Variants in EIPR1 observed in about 807,000 individuals in gnomAD.
EIPR1 encodes the protein EARP and GARP complex-interacting protein 1.
In EIPR1, 25 loss-of-function variants were observed where a neutral mutation model predicts 48.1. The observed-to-expected ratio is 0.52, with a 90% confidence interval of 0.38 to 0.73. The LOEUF is 0.73. Among genes scored for constraint, EIPR1 ranks in the 30% least tolerant of loss-of-function variants. EIPR1 has a pLI of 0.00. For synonymous variants in EIPR1, 204 were observed against 201.9 expected (o/e 1.01, Z -0.09); for missense variants, 415 against 506.2 (o/e 0.82, Z 1.73).
chr2:3,246,246 G>A (rs1471493855), intron 4 of EIPR1, among the ~76,000 whole-genome samples: 1 of 152,158 alleles, frequency 6.6e-6, no homozygotes, highest in Non-Finnish European at 1.5e-5. Flanking sequence ...TACAAAATGG[G>A]AAGGATAGCT....
intron 2 of EIPR1, among the ~76,000 whole-genome samples, chr2:3,339,274 T>C (rs1193287335): frequency 6.6e-6 from 1 of 152,224 alleles, no homozygotes; most frequent in African/African-American, 2.4e-5. Flanking sequence ...CTTTACTTCT[T>C]TGTGCTTTAT....
chr2:3,195,626 G>A (rs1331837297), intron 6 of EIPR1, among the ~76,000 whole-genome samples: 2 of 152,068 alleles, frequency 1.3e-5, no homozygotes, highest in South Asian at 2.1e-4. Context: ...GCAAATTCCC[G>A]GGGAACTAGA....
At chr2:3,311,283 T>C (rs1669120487) in intron 3 of EIPR1, among the ~76,000 whole-genome samples, 1 of 152,184 alleles carries the variant, frequency 6.6e-6, no homozygotes, top group African/African-American at 2.4e-5. Flanking sequence ...CTCAAGATGA[T>C]CTCTTCCTAG....
At chr2:3,272,732 T>C (rs535423655) in intron 3 of EIPR1, among the ~76,000 whole-genome samples, 1 of 152,350 alleles carries the variant, frequency 6.6e-6, no homozygotes, top group East Asian at 1.9e-4. Context: ...ATTATCAAAA[T>C]GTGCCACAGA....
intron 3 of EIPR1, among the ~76,000 whole-genome samples, chr2:3,329,157 C>T (rs112593353): frequency 8.7e-5 from 12 of 138,432 alleles, no homozygotes; most frequent in East Asian, 2.6e-4. Context: ...AATCAGAGCC[C>T]ACCCACCAGG....
rs144053600 is a variant in EIPR1, at chr2:3,269,589, CATCGCACTCA to C, written c.260-12144_260-12135del. On this transcript the variant is annotated intron_variant, in intron 3 of 8. Coordinates refer to ENST00000382125, the MANE Select transcript of EIPR1 (RefSeq NM_003310.5). ...ATCGCACTCAGTCATCGCACTCAAT[CATCGCACTCA>C]ATCGCACTCAATCATCACAATCATC... is the stretch of plus-strand genomic sequence containing the variant. Among the ~76,000 whole-genome samples the C allele has an allele frequency of 7.6e-3, 170 of 22,332 alleles. 14 individuals are homozygous for C. Among genetic ancestry groups the C allele is most frequent in the Middle Eastern group, 0.025 (1 of 40 alleles). The allele number at this position is 22,332 out of a possible 152,430, so 14.7% of individuals were successfully genotyped here. A position where few individuals can be genotyped will look rare whatever the true frequency, so the allele number is the denominator to read the frequency against.
Position 3,286,465 on chromosome 2 carries a change from C to T in EIPR1, c.260-29010G>A, listed in dbSNP as rs1385973816. On this transcript the variant is annotated intron_variant, in intron 3 of 8. Transcript: ENST00000382125. The surrounding 1 kb of genome is among the most constrained non-coding windows in gnomAD (Gnocchi z 4.2). The stretch of plus-strand genomic sequence containing the variant: ...GTGGGGCCATCCTACCAGGCATGTC[C>T]TGGGCACATGGGAAGACCGAGAGGT... Among the ~76,000 whole-genome samples, 1 of 152,188 alleles carries T rather than the reference C, an allele frequency of 6.6e-6. No homozygotes were observed. The highest frequency in any genetic ancestry group is 1.5e-5 in the Non-Finnish European group (1 of 68,044).
Position 3,287,124 on chromosome 2 carries a change from C to G in EIPR1, c.260-29669G>C, listed in dbSNP as rs112980318. 1.3e-3 allele frequency among the ~76,000 whole-genome samples: 203 copies of G among 152,324 alleles called. 1 individual carries two copies. The highest frequency in any genetic ancestry group is 4.6e-3 in the African/African-American group (191 of 41,568). On this transcript the variant is annotated intron_variant, in intron 3 of 8. Coordinates refer to ENST00000382125, the MANE Select transcript of EIPR1 (RefSeq NM_003310.5). ...TCACACCTAGACCCAGCTGCAGCAC[C>G]AAGCTCGTTCACCACGCTCTAGAAA...
At position 3,189,947 on chromosome 2, in the gene EIPR1, C is replaced by T. The variant is rs1043200128; in HGVS notation, c.990-439G>A. 3.9e-5 allele frequency among the ~76,000 whole-genome samples: 6 copies of T among 152,252 alleles called. No individual in the cohort carries two copies. Among genetic ancestry groups the T allele is most frequent in the South Asian group, 2.1e-4 (1 of 4,816 alleles). ...GAGCAGAAAGGACCCTGGGAAGCAG[C>T]GGGTCCAGCTCCTGGCTGTGTAGGA... On this transcript the variant is annotated intron_variant, in intron 8 of 8. Coordinates refer to ENST00000382125, the MANE Select transcript of EIPR1 (RefSeq NM_003310.5). The surrounding 1 kb of genome is among the most constrained non-coding windows in gnomAD (Gnocchi z 4.6).
chr2:3,335,853 T>C (rs1670027244), intron 3 of EIPR1, among the ~76,000 whole-genome samples: 1 of 152,212 alleles, frequency 6.6e-6, no homozygotes, highest in Non-Finnish European at 1.5e-5. Flanking sequence ...CGCCCAGTCA[T>C]GCTTCCTGTT....
chr2:3,377,790 T>G lies in EIPR1; in HGVS notation c.-101A>C. ...GGGCGTGTTCCCAGCGCCCATTCATTCCCTCCCCGCAGCAAACGACTCCAA... is the reference window on the plus strand; with the variant it reads ...GGGCGTGTTCCCAGCGCCCATTCATGCCCTCCCCGCAGCAAACGACTCCAA... On this transcript the variant is annotated 5_prime_UTR_variant, in exon 1 of 9. Coordinates refer to ENST00000382125, the MANE Select transcript of EIPR1 (RefSeq NM_003310.5). 129 of 1,249,382 alleles carry G rather than the reference T, an allele frequency of 1.0e-4. No homozygotes were observed. Among genetic ancestry groups the G allele is most frequent in the Non-Finnish European group, 1.1e-4 (99 of 892,566 alleles). The allele number at this position is 1,249,382 out of a possible 1,614,324, so 77.4% of individuals were successfully genotyped here. A position where few individuals can be genotyped will look rare whatever the true frequency, so the allele number is the denominator to read the frequency against.
intron 4 of EIPR1, among the ~76,000 whole-genome samples, chr2:3,242,054 C>A (rs930972437): frequency 4.6e-5 from 7 of 152,148 alleles, no homozygotes. Context: ...GGGGAGGTAC[C>A]AGGACAAATG....
chr2:3,316,972 A>G (rs1478310345), intron 3 of EIPR1, among the ~76,000 whole-genome samples: 1 of 152,248 alleles, frequency 6.6e-6, no homozygotes, highest in East Asian at 1.9e-4. Flanking sequence ...TGTGCCTTGC[A>G]CATGGGGTGG....
chr2:3,351,360 AC>A (rs1437030966), intron 2 of EIPR1, among the ~76,000 whole-genome samples: 1 of 152,206 alleles, frequency 6.6e-6, no homozygotes, highest in African/African-American at 2.4e-5. Flanking sequence ...TAATGTCATT[AC>A]CAAATGGAAA....
At chr2:3,282,197 G>A (rs1427359807) in intron 3 of EIPR1, among the ~76,000 whole-genome samples, 1 of 152,192 alleles carries the variant, frequency 6.6e-6, no homozygotes, top group Non-Finnish European at 1.5e-5. Context: ...GGTTGGTGTC[G>A]GCAACCATCA....
intron 3 of EIPR1, among the ~76,000 whole-genome samples, chr2:3,271,394 T>TA (rs1454291927): frequency 1.3e-5 from 2 of 152,232 alleles, no homozygotes; most frequent in African/African-American, 4.8e-5. Context: ...GAGGAATCAC[T>TA]ATCAGTGGCA....
At chr2:3,304,680 GT>G (rs1668863591) in intron 3 of EIPR1, among the ~76,000 whole-genome samples, 1 of 99,960 alleles carries the variant, frequency 1.0e-5, no homozygotes, top group African/African-American at 4.1e-5. Context: ...CTCCACTCCC[GT>G]CCTGTTCAAC....
chr2:3,297,217 C>T (rs927511663), intron 3 of EIPR1, among the ~76,000 whole-genome samples: 3 of 152,168 alleles, frequency 2.0e-5, no homozygotes, highest in African/African-American at 7.2e-5. Flanking sequence ...AAAACAGCAT[C>T]GATGGAATCC....
intron 3 of EIPR1, among the ~76,000 whole-genome samples, chr2:3,330,912 A>C (rs1401624089): frequency 1.2e-5 from 1 of 82,536 alleles, no homozygotes; most frequent in African/African-American, 9.0e-5. Context: ...GAGACGGTGT[A>C]AGCAGAGACT....
Sources: gnomAD v4.1 joint callset for allele counts (sites outside exome capture counted in the v4.1 genomes callset) on GRCh38, gnomAD v4.1.1 for gene constraint, Gnocchi (gnomAD v3.1) non-coding constraint, MANE v1.5 for transcripts, NCBI Gene and HGNC (gene_info 2026-07-23, HGNC 2026-07-21) for gene names.